The following LATS2 variants were observed in gnomAD, a reference collection of about 807,000 sequenced individuals.
LATS2 encodes large tumor suppressor kinase 2.
LATS2 carries 24 observed loss-of-function variants against 76.0 expected under a neutral mutation model. The observed-to-expected ratio is 0.32, with a 90% confidence interval of 0.23 to 0.44. The LOEUF is 0.44. Ranked by LOEUF, LATS2 falls within the 20% of genes least tolerant of loss-of-function variation. The pLI, the probability that LATS2 is intolerant of heterozygous loss-of-function variation, is 1.00. For synonymous variants in LATS2, 692 were observed against 635.4 expected (o/e 1.09, Z -1.34); for missense variants, 1,286 against 1,481.2 (o/e 0.87, Z 2.16).
chr13:21,060,292 A>T (rs1873588260), intron 1 of LATS2, among the ~76,000 whole-genome samples: 1 of 152,240 alleles, frequency 6.6e-6, no homozygotes, highest in Non-Finnish European at 1.5e-5. Flanking sequence ...GCAAGATGTG[A>T]ATGATGTCAG....
In LATS2 at chr13:20,975,098, A is replaced by G. The variant is rs139519569; in HGVS notation, c.3039T>C (p.Asp1013=). ...DPVDEESPWN[D]ASEGSTKAWD... The stretch of plus-strand genomic sequence containing the variant: ...AGGCCTTGGTGCTACCTTCGCTGGC[A>G]TCGTTCCAAGGGCTTTCTTCATCTA... The change falls in exon 8 of 8, where the codon GAT becomes GAC. Residue 1013 remains aspartate, a synonymous_variant. Coordinates refer to ENST00000382592, the MANE Select transcript of LATS2 (RefSeq NM_014572.3). 8 of 1,614,124 alleles carry G rather than the reference A, an allele frequency of 5.0e-6. No individual in the cohort carries two copies. The African/African-American group carries it at 1.1e-4, about 22-fold the overall frequency.
chr13:21,045,436 G>A (rs143263468), intron 2 of LATS2, among the ~76,000 whole-genome samples: 24 of 152,278 alleles, frequency 1.6e-4, no homozygotes, highest in African/African-American at 5.5e-4. Flanking sequence ...ACAATTTCAG[G>A]AGACCTCAGC....
chr13:21,005,720 CAT>C (rs1384998830), intron 2 of LATS2: 3 of 150,146 alleles, frequency 2.0e-5, no homozygotes, highest in African/African-American at 7.4e-5. Flanking sequence ...AGGAGGAACA[CAT>C]GAGGCCAGGA....
rs1455866258 is a variant in LATS2 at position 20,989,022 on chromosome 13, T to C, written c.758A>G (p.Tyr253Cys). The change falls in exon 4 of 8, where the codon TAC becomes TGC. Residue 253 changes from tyrosine to cysteine, a missense_variant. Around this residue, in one of 5 missense-constraint regions of LATS2, gnomAD observed 710 missense variants for 660.9 expected, o/e 1.07. Transcript: ENST00000382592. ...GAHFPLQGAH[Y>C]GRPHLLVPGE... ...AGGCACCAGCAGGTGCGGCCGCCCG[T>C]AGTGCGCGCCCTGCAGCGGGAAGTG... 2 of 1,556,348 alleles carry C rather than the reference T, an allele frequency of 1.3e-6. No homozygotes were observed. Among genetic ancestry groups the C allele is most frequent in the Non-Finnish European group, 1.7e-6 (2 of 1,157,496 alleles).
chr13:20,997,790 A>G (rs1870823989), intron 2 of LATS2, among the ~76,000 whole-genome samples: 1 of 152,194 alleles, frequency 6.6e-6, no homozygotes, highest in Non-Finnish European at 1.5e-5. Context: ...TGGGCTTGCA[A>G]TGTCTAAGCA....
At chr13:21,007,584 T>TTTTTTTTTTTTTTTTTTTTTTTGAG (rs1871340517) in intron 2 of LATS2, among the ~76,000 whole-genome samples, 1 of 17,590 alleles carries the variant, frequency 5.7e-5, no homozygotes, top group African/African-American at 4.1e-4. Flanking sequence ...TATATATATA[T>TTTTTTTTTTTTTTTTTTTTTTTGAG]ATAGTATATA....
intron 2 of LATS2, among the ~76,000 whole-genome samples, chr13:21,044,746 T>C (rs1190519664): frequency 6.9e-6 from 1 of 145,134 alleles, no homozygotes; most frequent in East Asian, 2.0e-4. Flanking sequence ...GTGTTTTAAA[T>C]AGAGATAGGG....
chr13:21,030,249 C>G (rs1023380504), intron 2 of LATS2, among the ~76,000 whole-genome samples: 1 of 151,994 alleles, frequency 6.6e-6, no homozygotes, highest in South Asian at 2.1e-4. Context: ...AATATCCAAA[C>G]TATATCAACA....
chr13:21,020,557 T>C (rs929357448), intron 2 of LATS2, among the ~76,000 whole-genome samples: 1 of 152,196 alleles, frequency 6.6e-6, no homozygotes, highest in African/African-American at 2.4e-5. Context: ...CATTAATTCC[T>C]CTCGAGTACA....
intron 1 of LATS2, among the ~76,000 whole-genome samples, chr13:21,060,397 C>T (rs1284947296): frequency 1.3e-5 from 2 of 152,252 alleles, no homozygotes; most frequent in African/African-American, 2.4e-5. Context: ...TAAACTAGGG[C>T]ACGGGAATGG....
intron 2 of LATS2, among the ~76,000 whole-genome samples, chr13:21,015,441 G>A (rs1871760304): frequency 6.6e-6 from 1 of 152,148 alleles, no homozygotes; most frequent in African/African-American, 2.4e-5. Flanking sequence ...CCAATACATA[G>A]TTAAGAACAG....
intron 3 of LATS2, among the ~76,000 whole-genome samples, chr13:20,989,761 T>G (rs1595217883): frequency 6.6e-6 from 1 of 152,254 alleles, no homozygotes; most frequent in Non-Finnish European, 1.5e-5. Flanking sequence ...CTGTATCCAC[T>G]GTGCAGCAGC....
rs562688659 is a variant in LATS2, at chr13:21,051,404, A to G, written c.-204-5174T>C. Among the ~76,000 whole-genome samples, 113 of 152,350 alleles carry G rather than the reference A, an allele frequency of 7.4e-4. 1 individual carries two copies. The highest frequency in any genetic ancestry group is 2.2e-3 in the African/African-American group (90 of 41,570). ...ACAATGAAAGTTTGCCCAAAGAATTATGGGGATCTGAAATAGAGAGCAGTT... is the reference window on the plus strand; with the variant it reads ...ACAATGAAAGTTTGCCCAAAGAATTGTGGGGATCTGAAATAGAGAGCAGTT... On this transcript the variant is annotated intron_variant, in intron 1 of 7. Transcript: ENST00000382592.
At chr13:21,036,944 G>C (rs1368157820) in intron 2 of LATS2, among the ~76,000 whole-genome samples, 1 of 152,152 alleles carries the variant, frequency 6.6e-6, no homozygotes, top group Non-Finnish European at 1.5e-5. Flanking sequence ...AATAAGAATG[G>C]TAAAAATGCT....
chr13:20,984,164 C>T (rs749296230), intron 4 of LATS2, among the ~76,000 whole-genome samples: 1 of 152,192 alleles, frequency 6.6e-6, no homozygotes, highest in Non-Finnish European at 1.5e-5. Context: ...GAACTCCTGA[C>T]CTCAGGTGAT....
intron 2 of LATS2, among the ~76,000 whole-genome samples, chr13:21,045,453 T>C (rs1873035828): frequency 6.6e-6 from 1 of 152,238 alleles, no homozygotes. Flanking sequence ...CAGCAACTTC[T>C]GGAACTTGCC....
chr13:21,044,692 GTGTGTGTGTGTGTGTGT>G (rs1872998028), intron 2 of LATS2, among the ~76,000 whole-genome samples: 1 of 4,396 alleles, frequency 2.3e-4, no homozygotes, highest in African/African-American at 3.1e-4. Flanking sequence ...GTGTAGGGGT[GTGTGTGTGTGTGTGTGT>G]GTGTGTGTGT....
chr13:21,002,660 G>A (rs535728474), intron 2 of LATS2, among the ~76,000 whole-genome samples: 4 of 151,988 alleles, frequency 2.6e-5, no homozygotes, highest in African/African-American at 7.2e-5. Flanking sequence ...TTACAGGTGT[G>A]AGCCATGGTG....
intron 2 of LATS2, among the ~76,000 whole-genome samples, chr13:21,011,390 A>G (rs894348864): frequency 1.3e-5 from 2 of 152,230 alleles, no homozygotes; most frequent in Admixed American, 1.3e-4. Context: ...TGATCTAGAC[A>G]TATATTTCTC....
Sources: allele counts gnomAD v4.1 joint callset (sites outside exome capture counted in the v4.1 genomes callset), GRCh38; gene constraint gnomAD v4.1.1; regional missense constraint gnomAD v4.1.1; transcripts MANE v1.5; gene names NCBI Gene and HGNC (gene_info 2026-07-23, HGNC 2026-07-21).